Variants in TRIM49 observed in about 807,000 individuals in gnomAD.
TRIM49 encodes the protein tripartite motif containing 49.
In TRIM49, 5 loss-of-function variants were observed where a neutral mutation model predicts 27.4. That is an observed-to-expected ratio of 0.18 (90% CI 0.10 to 0.38). The LOEUF (loss-of-function observed/expected upper bound fraction) is 0.38, where lower values mean the gene tolerates loss of function less well. Ranked by LOEUF, TRIM49 falls within the 10% of genes least tolerant of loss-of-function variation. The pLI is 1.00. For missense variants in TRIM49, 188 were observed against 487.5 expected (o/e 0.39, Z 5.79); for synonymous variants, 69 against 166.0 (o/e 0.42, Z 4.49).
At chr11:89,773,903 C>T in the TRIM49 span, among the ~76,000 whole-genome samples, 2 of 136,034 alleles carry the variant, frequency 1.5e-5, 1 homozygote, top group Non-Finnish European at 3.0e-5. Context: ...AGCCCTGGCA[C>T]TCCAGCCTGG....
the TRIM49 span, chr11:89,787,687 GA>G: frequency 2.6e-6 from 3 of 1,138,348 alleles, no homozygotes; most frequent in Non-Finnish European, 2.5e-6. Flanking sequence ...GGGCAGCGCG[GA>G]AGGGCAGCAC....
the TRIM49 span, among the ~76,000 whole-genome samples, chr11:89,791,725 A>C: frequency 8.0e-4 from 119 of 149,586 alleles, no homozygotes; most frequent in Middle Eastern, 6.8e-3. Flanking sequence ...GCCTGCCCTA[A>C]AAGAGCTCCT....
the TRIM49 span, chr11:89,787,227 A>G: frequency 1.6e-3 from 348 of 220,582 alleles, 23 homozygotes; most frequent in African/African-American, 8.6e-3. Context: ...CGTGGCCCAG[A>G]GGACCGGGGC....
chr11:89,786,926 T>C, the TRIM49 span: 3 of 122,732 alleles, frequency 2.4e-5, no homozygotes, highest in African/African-American at 4.5e-5. Flanking sequence ...GGGATGCGTT[T>C]GGGTTGAAAG....
chr11:89,800,544 C>A (rs1481887688), intron 6 of TRIM49, among the ~76,000 whole-genome samples: 1 of 150,958 alleles, frequency 6.6e-6, no homozygotes, highest in Non-Finnish European at 1.5e-5. Context: ...GAGATAGAGA[C>A]CATCCTGGCT....
At position 89,798,289 on chromosome 11, in the gene TRIM49, T is replaced by C. The variant is rs747656177; in HGVS notation, c.1200A>G (p.Gln400=). The C allele has an allele frequency of 1.3e-5, 20 of 1,577,670 alleles. No homozygotes were observed. Among genetic ancestry groups the C allele is most frequent in the Middle Eastern group, 1.7e-4 (1 of 5,946 alleles). The part of the protein sequence containing the change: ...SLFTTSPLML[Q]YIPKPTSRVG... ...CTCGGCTGGTAGGTTTTGGGATATA[T>C]TGCAGCATAAGTGGGGAGGTGGTAA... Residue 400 remains glutamine, a synonymous_variant, in exon 8 of 8, where the codon CAA becomes CAG. Transcript: ENST00000329758.
chr11:89,782,069 C>T, the TRIM49 span: 1 of 1,546,286 alleles, frequency 6.5e-7, no homozygotes, highest in South Asian at 1.2e-5. Context: ...GGATGTGACC[C>T]TCTCCTCCAA....
the TRIM49 span, chr11:89,789,597 C>T: frequency 6.6e-6 from 1 of 151,340 alleles, no homozygotes; most frequent in Non-Finnish European, 1.5e-5. Flanking sequence ...TTTAAGTGGC[C>T]ACTTTGTGGA....
chr11:89,775,823 C>T, the TRIM49 span, among the ~76,000 whole-genome samples: 2 of 148,418 alleles, frequency 1.3e-5, no homozygotes, highest in African/African-American at 2.6e-5. Flanking sequence ...AGTTGACGGT[C>T]CACTCTGATT....
Position 89,798,493 on chromosome 11 carries a change from A to G in TRIM49, c.996T>C (p.Gly332=), listed in dbSNP as rs748591177. The change falls in exon 8 of 8, where the codon GGT becomes GGC. Residue 332 remains glycine, a synonymous_variant. Transcript: ENST00000329758. Reference sequence around the variant, plus strand: ...ATTTGCCCGAGGTGAAAGTCTGAACACCCCATGCAAGAAAACTTCTAGGTG... The same window carrying G: ...ATTTGCCCGAGGTGAAAGTCTGAACGCCCCATGCAAGAAAACTTCTAGGTG... ...TATPRSFLAW[G]VQTFTSGKYY... is the part of the protein sequence containing the mutation. 6.3e-7 allele frequency: 1 copy of G among 1,594,002 alleles called. No homozygotes were observed. The highest frequency in any genetic ancestry group is 1.7e-5 in the Admixed American group (1 of 58,334).
the TRIM49 span, among the ~76,000 whole-genome samples, chr11:89,767,619 A>G: frequency 8.1e-6 from 1 of 123,728 alleles, no homozygotes; most frequent in Admixed American, 7.7e-5. Flanking sequence ...GACTTCTTTT[A>G]TCTGCTGGAT....
chr11:89,776,997 TG>T, the TRIM49 span: 2 of 1,540,818 alleles, frequency 1.3e-6, no homozygotes, highest in Non-Finnish European at 1.8e-6. Context: ...TCTGATGCCC[TG>T]CGAGTCTTCC....
chr11:89,790,636 C>G, the TRIM49 span, among the ~76,000 whole-genome samples: 1 of 151,912 alleles, frequency 6.6e-6, no homozygotes, highest in Non-Finnish European at 1.5e-5. Flanking sequence ...CCCAGGCAAA[C>G]AGTGTCTGGA....
downstream of TRIM49, among the ~76,000 whole-genome samples, chr11:89,794,572 G>A (rs1354815412): frequency 6.6e-6 from 1 of 150,544 alleles, no homozygotes. Flanking sequence ...AGAGCCCTCA[G>A]AAATAATGCC....
downstream of TRIM49, among the ~76,000 whole-genome samples, chr11:89,796,894 T>C (rs1591511574): frequency 1.3e-5 from 2 of 151,194 alleles, no homozygotes; most frequent in Admixed American, 6.6e-5. Flanking sequence ...TATGTTGAAG[T>C]ATATGTAGGC....
At chr11:89,786,186 C>A in the TRIM49 span, 1 of 117,902 alleles carries the variant, frequency 8.5e-6, no homozygotes, top group African/African-American at 4.1e-5. Flanking sequence ...AGGAGGGCGT[C>A]CTGGAGGCGC....
chr11:89,797,048 G>C (rs978800227), downstream of TRIM49, among the ~76,000 whole-genome samples: 1 of 152,236 alleles, frequency 6.6e-6, no homozygotes, highest in East Asian at 1.9e-4. Context: ...ACACAATATT[G>C]TGTGTCTTTA....
the TRIM49 span, among the ~76,000 whole-genome samples, chr11:89,790,394 C>G: frequency 2.7e-5 from 4 of 149,716 alleles, no homozygotes; most frequent in African/African-American, 1.0e-4. Flanking sequence ...TGTCTGACAG[C>G]TTTGAAGAGA....
the TRIM49 span, among the ~76,000 whole-genome samples, chr11:89,785,642 T>C: frequency 4.5e-3 from 652 of 145,404 alleles, 37 homozygotes; most frequent in Non-Finnish European, 3.9e-3. Context: ...TAATTGAAGA[T>C]ATAAATTACA....
Sources: allele counts gnomAD v4.1 joint callset (sites outside exome capture counted in the v4.1 genomes callset), GRCh38; gene constraint gnomAD v4.1.1; transcripts MANE v1.5; gene names NCBI Gene and HGNC (gene_info 2026-07-23, HGNC 2026-07-21).